The following SLC39A11 variants were observed in gnomAD, a reference collection of about 807,000 sequenced individuals.
The protein encoded by SLC39A11 is zinc transporter ZIP11.
In SLC39A11, 33 loss-of-function variants were observed where a neutral mutation model predicts 36.1. That is an observed-to-expected ratio of 0.91 (90% CI 0.69 to 1.22). The LOEUF (loss-of-function observed/expected upper bound fraction) is 1.22, where lower values mean the gene tolerates loss of function less well. Ranked by LOEUF, SLC39A11 falls within the 50% of genes most tolerant of loss-of-function variation. The pLI, the probability that SLC39A11 is intolerant of heterozygous loss-of-function variation, is 0.00. For missense variants in SLC39A11, 432 were observed against 430.3 expected, an observed-to-expected ratio of 1.00 and a Z score of -0.03; for synonymous variants, 166 against 170.3, an observed-to-expected ratio of 0.97 and a Z score of 0.20.
chr17:72,911,280 G>A (rs67181829), intron 5 of SLC39A11, among the ~76,000 whole-genome samples: 78,989 of 151,318 alleles, frequency 0.52, 20,543 homozygotes, highest in African/African-American at 0.54. Flanking sequence ...GTGGAGGAAG[G>A]GGGGAAGGAT....
At chr17:72,734,452 G>A (rs1314418563) in intron 7 of SLC39A11, among the ~76,000 whole-genome samples, 1 of 152,130 alleles carries the variant, frequency 6.6e-6, no homozygotes, top group Admixed American at 6.5e-5. Context: ...CAGGTGTGGG[G>A]GCATATGGAC....
rs184289920 is a variant in SLC39A11 at position 73,032,915 on chromosome 17, T to C, written c.148-1201A>G. Among the ~76,000 whole-genome samples the C allele has an allele frequency of 1.1e-3, 173 of 152,286 alleles. No individual in the cohort carries two copies. The East Asian group carries it at 0.018, about 15-fold the overall frequency. ...TATTGCGATTTGTAGATAAAGAAATTGGATCTTGAAATAATAAGGTAATTT... is the reference window on the plus strand; with the variant it reads ...TATTGCGATTTGTAGATAAAGAAATCGGATCTTGAAATAATAAGGTAATTT... On this transcript the variant is annotated intron_variant, in intron 3 of 9. Coordinates refer to ENST00000255559, the MANE Select transcript of SLC39A11 (RefSeq NM_139177.4).
chr17:72,815,166 A>C (rs1245651058), intron 6 of SLC39A11, among the ~76,000 whole-genome samples: 1 of 152,240 alleles, frequency 6.6e-6, no homozygotes, highest in African/African-American at 2.4e-5. Flanking sequence ...ATGACAATGA[A>C]TCTGCTCATC....
At chr17:72,787,547 C>T (rs961573149) in intron 6 of SLC39A11, among the ~76,000 whole-genome samples, 4 of 151,966 alleles carry the variant, frequency 2.6e-5, no homozygotes, top group East Asian at 1.9e-4. Flanking sequence ...GTGAGCCACC[C>T]GCCCGGCCAA....
At chr17:72,940,015 C>G (rs1158227135) in intron 5 of SLC39A11, among the ~76,000 whole-genome samples, 2 of 152,158 alleles carry the variant, frequency 1.3e-5, no homozygotes, top group African/African-American at 4.8e-5. Context: ...GATTTGGGAG[C>G]ATTTCAGATC....
chr17:73,005,853 A>C (rs1331430808), intron 4 of SLC39A11, among the ~76,000 whole-genome samples: 1 of 152,216 alleles, frequency 6.6e-6, no homozygotes, highest in Admixed American at 6.5e-5. Flanking sequence ...CGGGAGTCTA[A>C]GGCAAGGGAA....
intron 4 of SLC39A11, among the ~76,000 whole-genome samples, chr17:72,966,475 G>A (rs544771594): frequency 7.2e-5 from 11 of 152,304 alleles, no homozygotes; most frequent in African/African-American, 2.6e-4. Context: ...TAGGGCAGGG[G>A]TCCCCAATCC....
At chr17:73,074,797 T>C (rs914504988) in intron 3 of SLC39A11, among the ~76,000 whole-genome samples, 1 of 152,184 alleles carries the variant, frequency 6.6e-6, no homozygotes, top group African/African-American at 2.4e-5. Flanking sequence ...AATAAAATCA[T>C]GTCTTTCATA....
intron 6 of SLC39A11, among the ~76,000 whole-genome samples, chr17:72,767,876 T>C (rs2075807224): frequency 6.6e-6 from 1 of 151,806 alleles, no homozygotes; most frequent in South Asian, 2.1e-4. Flanking sequence ...AAGAGTTTAA[T>C]AGACACGAGG....
chr17:72,836,119 G>A (rs1012213438), intron 6 of SLC39A11, among the ~76,000 whole-genome samples: 5 of 152,186 alleles, frequency 3.3e-5, no homozygotes, highest in African/African-American at 9.7e-5. Context: ...AACTGAGCCC[G>A]ATGCATCTGG....
At chr17:72,939,820 A>G (rs1324804358) in intron 5 of SLC39A11, among the ~76,000 whole-genome samples, 5 of 152,194 alleles carry the variant, frequency 3.3e-5, no homozygotes, top group Non-Finnish European at 5.9e-5. Context: ...AGCTCTGTAT[A>G]GTACAAGATA....
intron 4 of SLC39A11, among the ~76,000 whole-genome samples, chr17:72,984,708 T>C (rs1463066969): frequency 2.6e-5 from 4 of 152,232 alleles, no homozygotes; most frequent in African/African-American, 7.2e-5. Context: ...CAACGCCTTT[T>C]ACAGGGGCTG....
intron 6 of SLC39A11, among the ~76,000 whole-genome samples, chr17:72,758,658 A>G (rs921165655): frequency 6.6e-6 from 1 of 152,184 alleles, no homozygotes; most frequent in Non-Finnish European, 1.5e-5. Flanking sequence ...ACCATGAACT[A>G]CTGGGAAGGT....
At chr17:72,716,071 C>A (rs1273142187) in intron 7 of SLC39A11, among the ~76,000 whole-genome samples, 3 of 152,046 alleles carry the variant, frequency 2.0e-5, no homozygotes, top group Admixed American at 2.0e-4. Context: ...CTAACTCCCG[C>A]CCTCGTTCTC....
chr17:72,893,727 A>G (rs2081882555), intron 5 of SLC39A11, among the ~76,000 whole-genome samples: 1 of 152,186 alleles, frequency 6.6e-6, no homozygotes, highest in African/African-American at 2.4e-5. Context: ...GTTCAAAAGA[A>G]GATCTGGTTC....
intron 5 of SLC39A11, among the ~76,000 whole-genome samples, chr17:72,854,640 G>T (rs1287590221): frequency 6.6e-6 from 1 of 152,040 alleles, no homozygotes; most frequent in Non-Finnish European, 1.5e-5. Context: ...ATTCTTTGTT[G>T]TTAGGAAAAA....
At chr17:72,900,070 G>T (rs4969128) in intron 5 of SLC39A11, among the ~76,000 whole-genome samples, 1 of 145,068 alleles carries the variant, frequency 6.9e-6, no homozygotes, top group African/African-American at 2.6e-5. Context: ...GAAAGAGAGA[G>T]AGAGAAAGAG....
At chr17:72,761,998 G>A (rs186276476) in intron 6 of SLC39A11, among the ~76,000 whole-genome samples, 128 of 152,314 alleles carry the variant, frequency 8.4e-4, no homozygotes, top group African/African-American at 2.9e-3. Context: ...AGTTTTAGGC[G>A]AGTCTAGAGT....
chr17:72,941,164 T>C (rs528688919), intron 5 of SLC39A11, among the ~76,000 whole-genome samples: 22 of 152,234 alleles, frequency 1.4e-4, no homozygotes, highest in Middle Eastern at 3.4e-3. Flanking sequence ...TCCCAGCTAC[T>C]CCGGGGGCTG....
Sources: gnomAD v4.1 joint callset for allele counts (sites outside exome capture counted in the v4.1 genomes callset) on GRCh38, gnomAD v4.1.1 for gene constraint, MANE v1.5 for transcripts, NCBI Gene and HGNC (gene_info 2026-07-23, HGNC 2026-07-21) for gene names.